The following FSTL5 variants were observed in gnomAD, a reference collection of about 807,000 sequenced individuals.
The protein encoded by FSTL5 is follistatin-related protein 5.
Under a neutral mutation model 89.1 loss-of-function variants are expected in FSTL5, and 62 were observed. That is an observed-to-expected ratio of 0.70 (90% CI 0.57 to 0.86). FSTL5 has a LOEUF of 0.86. FSTL5 is among the 40% of genes least tolerant of loss of function. The pLI, the probability that FSTL5 is intolerant of heterozygous loss-of-function variation, is 0.00. For synonymous variants in FSTL5, 383 were observed against 346.2 expected, an observed-to-expected ratio of 1.11 and a Z score of -1.18; for missense variants, 1,057 against 1,001.6, an observed-to-expected ratio of 1.06 and a Z score of -0.75.
intron 7 of FSTL5, among the ~76,000 whole-genome samples, chr4:161,655,230 C>A (rs964290039): frequency 5.3e-5 from 8 of 151,760 alleles, no homozygotes; most frequent in Non-Finnish European, 1.5e-5. Context: ...CTTTGACAGG[C>A]AAACATTATT....
chr4:161,829,412 T>TA (rs1320167309), intron 4 of FSTL5, among the ~76,000 whole-genome samples: 1 of 150,912 alleles, frequency 6.6e-6, no homozygotes, highest in African/African-American at 2.4e-5. Flanking sequence ...CAATAGCAAA[T>TA]AAAAAAATAA....
intron 8 of FSTL5, among the ~76,000 whole-genome samples, chr4:161,573,807 CAAAAG>C (rs1398235259): frequency 4.7e-5 from 6 of 127,908 alleles, no homozygotes; most frequent in Non-Finnish European, 8.6e-5. Context: ...AGAAAGAAAA[CAAAAG>C]AAAAGACAGA....
intron 3 of FSTL5, among the ~76,000 whole-genome samples, chr4:161,963,446 T>C (rs1236483752): frequency 3.3e-5 from 5 of 151,946 alleles, no homozygotes; most frequent in Non-Finnish European, 7.4e-5. Context: ...GCAACTGAAA[T>C]ACTACAGTAA....
In FSTL5 at chr4:161,779,792, T is replaced by C. The variant is rs1579086731; in HGVS notation, c.410-3718A>G. Among the ~76,000 whole-genome samples the C allele has an allele frequency of 9.4e-5, 5 of 53,196 alleles. 1 individual carries two copies. The highest frequency in any genetic ancestry group is 2.2e-4 in the Admixed American group (1 of 4,470). The allele number at this position is 53,196 out of a possible 152,430, so 34.9% of individuals were successfully genotyped here. On this transcript the variant is annotated intron_variant, in intron 4 of 15. Transcript: ENST00000306100. ...ATATATATGTATATATATATATATA[T>C]ATATATATATATATATATGTATATA...
chr4:161,485,777 G>GA (rs1313585200), intron 12 of FSTL5, among the ~76,000 whole-genome samples: 4 of 151,558 alleles, frequency 2.6e-5, no homozygotes, highest in Non-Finnish European at 4.4e-5. Flanking sequence ...TTGTCTTTTA[G>GA]AAAAAAAAGA....
At chr4:162,022,099 A>G (rs1259048607) in intron 3 of FSTL5, among the ~76,000 whole-genome samples, 1 of 151,922 alleles carries the variant, frequency 6.6e-6, no homozygotes, top group Non-Finnish European at 1.5e-5. Flanking sequence ...TCAGGGAAAA[A>G]AAAAAAAAAA....
At chr4:161,655,768 GTAAGA>G (rs1189022958) in intron 7 of FSTL5, among the ~76,000 whole-genome samples, 23 of 152,024 alleles carry the variant, frequency 1.5e-4, no homozygotes, top group Non-Finnish European at 2.9e-5. Flanking sequence ...GAAGCGTTCT[GTAAGA>G]TAATAGGATA....
At chr4:161,463,445 G>A (rs1317795792) in intron 13 of FSTL5, among the ~76,000 whole-genome samples, 3 of 152,000 alleles carry the variant, frequency 2.0e-5, no homozygotes, top group Non-Finnish European at 2.9e-5. Context: ...ACATTTATAT[G>A]ATTTTCATCA....
chr4:161,973,392 A>G (rs1184135750), intron 3 of FSTL5, among the ~76,000 whole-genome samples: 1 of 152,200 alleles, frequency 6.6e-6, no homozygotes, highest in Non-Finnish European at 1.5e-5. Context: ...AGTTGCAGAA[A>G]GCACAACATT....
At chr4:161,651,704 G>A (rs1334443578) in intron 7 of FSTL5, among the ~76,000 whole-genome samples, 7 of 152,034 alleles carry the variant, frequency 4.6e-5, no homozygotes, top group Non-Finnish European at 1.0e-4. Context: ...TACCGATAAG[G>A]GTGCTGAGAC....
chr4:161,507,397 T>G (rs1305244533), intron 11 of FSTL5, among the ~76,000 whole-genome samples: 2 of 151,726 alleles, frequency 1.3e-5, no homozygotes, highest in African/African-American at 2.4e-5. Context: ...TACATATTAG[T>G]GCATGTATAT....
At chr4:161,603,433 G>T (rs1734323101) in intron 7 of FSTL5, among the ~76,000 whole-genome samples, 1 of 152,052 alleles carries the variant, frequency 6.6e-6, no homozygotes, top group African/African-American at 2.4e-5. Flanking sequence ...TTCTCTACTT[G>T]CAAGCAGCAA....
chr4:161,723,138 T>C (rs138437362), intron 6 of FSTL5, among the ~76,000 whole-genome samples: 14 of 152,264 alleles, frequency 9.2e-5, no homozygotes, highest in African/African-American at 2.6e-4. Context: ...ATGCTACTTG[T>C]AAGGAAATGA....
rs1370281696 is a variant in FSTL5, at chr4:161,705,985, TATATATATATAC to T, written c.728-49503_728-49492del. Among the ~76,000 whole-genome samples the T allele has an allele frequency of 4.3e-3, 401 of 94,224 alleles. 35 individuals are homozygous for T. The highest frequency in any genetic ancestry group is 0.012 in the African/African-American group (259 of 21,332). 61.8% of individuals were successfully genotyped at this position (94,224 alleles called of 152,430 possible). On this transcript the variant is annotated intron_variant, in intron 6 of 15. Transcript: ENST00000306100. ...ATATATATATATATATATATATATA[TATATATATATAC>T]ACACATCTACACACACACAGACTAT...
intron 10 of FSTL5, among the ~76,000 whole-genome samples, chr4:161,531,598 G>A (rs1181980930): frequency 1.3e-5 from 2 of 152,160 alleles, no homozygotes; most frequent in Non-Finnish European, 2.9e-5. Context: ...GCGGACTAAA[G>A]TGTAGCTTCT....
In FSTL5 at chr4:161,597,468, G is replaced by A. The variant is rs530314779; in HGVS notation, c.895-9893C>T. Among the ~76,000 whole-genome samples, 137 of 134,350 alleles carry A rather than the reference G, an allele frequency of 1.0e-3. 5 individuals are homozygous for A. The South Asian group carries it at 0.034, about 33-fold the overall frequency. 88.1% of individuals were successfully genotyped at this position (134,350 alleles called of 152,430 possible). A position where few individuals can be genotyped will look rare whatever the true frequency, so the allele number is the denominator to read the frequency against. On this transcript the variant is annotated intron_variant, in intron 7 of 15. Coordinates refer to ENST00000306100, the MANE Select transcript of FSTL5 (RefSeq NM_020116.5). ...CACAGGAAGGGGAACATCACACACCGGGGCCTGTTGTGGGGTGGGGGGAGG... is the reference window on the plus strand; with the variant it reads ...CACAGGAAGGGGAACATCACACACCAGGGCCTGTTGTGGGGTGGGGGGAGG...
At chr4:161,554,468 T>G (rs1297674424) in intron 8 of FSTL5, among the ~76,000 whole-genome samples, 1 of 151,646 alleles carries the variant, frequency 6.6e-6, no homozygotes. Flanking sequence ...GATCTTTCTT[T>G]AGAAGTTTCT....
intron 6 of FSTL5, among the ~76,000 whole-genome samples, chr4:161,707,277 A>C (rs1738615455): frequency 6.6e-6 from 1 of 151,928 alleles, no homozygotes. Flanking sequence ...ATGAAATTTA[A>C]ATATAGTTTC....
chr4:161,617,840 A>G (rs1734953592), intron 7 of FSTL5, among the ~76,000 whole-genome samples: 2 of 152,230 alleles, frequency 1.3e-5, no homozygotes, highest in Admixed American at 1.3e-4. Context: ...ATAAAACAGA[A>G]TGTACTGTCA....
Sources: allele counts gnomAD v4.1 joint callset (sites outside exome capture counted in the v4.1 genomes callset), GRCh38; gene constraint gnomAD v4.1.1; transcripts MANE v1.5; gene names NCBI Gene and HGNC (gene_info 2026-07-23, HGNC 2026-07-21).